Variants in GALNTL6 observed in about 807,000 individuals in gnomAD.
GALNTL6 encodes the protein polypeptide N-acetylgalactosaminyltransferase like 6.
Under a neutral mutation model 73.7 loss-of-function variants are expected in GALNTL6, and 46 were observed. The ratio of observed to expected loss-of-function variants is 0.62; its 90% CI spans 0.49 to 0.80. The LOEUF (loss-of-function observed/expected upper bound fraction) is 0.80. Ranked by LOEUF, GALNTL6 falls within the 30% of genes least tolerant of loss-of-function variation. The pLI is 0.00. For synonymous variants in GALNTL6, 259 were observed against 263.7 expected, an observed-to-expected ratio of 0.98 and a Z score of 0.17; for missense variants, 604 against 755.0, an observed-to-expected ratio of 0.80 and a Z score of 2.34.
intron 5 of GALNTL6, chr4:172,669,191 T>G (rs1731836369): frequency 6.6e-6 from 1 of 152,162 alleles, no homozygotes; most frequent in Admixed American, 6.5e-5. Context: ...ATCAAGATTT[T>G]AAAATAGTGA....
intron 3 of GALNTL6, among the ~76,000 whole-genome samples, chr4:172,300,163 G>A (rs1474038721): frequency 6.6e-6 from 1 of 152,138 alleles, no homozygotes; most frequent in Admixed American, 6.5e-5. Flanking sequence ...TTGGTTTAAA[G>A]TCTTTTTTAT....
intron 5 of GALNTL6, among the ~76,000 whole-genome samples, chr4:172,689,579 ATAT>A (rs1416918820): frequency 6.6e-6 from 1 of 152,172 alleles, no homozygotes; most frequent in African/African-American, 2.4e-5. Flanking sequence ...ATGAAGACAG[ATAT>A]TATTATTGCA....
At chr4:172,406,957 CA>C (rs1405229184) in intron 5 of GALNTL6, among the ~76,000 whole-genome samples, 1 of 151,930 alleles carries the variant, frequency 6.6e-6, no homozygotes, top group East Asian at 1.9e-4. Flanking sequence ...CTTCTCCCAA[CA>C]AATGATTACA....
chr4:172,980,784 A>G (rs985755697), intron 10 of GALNTL6, among the ~76,000 whole-genome samples: 31 of 152,186 alleles, frequency 2.0e-4, no homozygotes, highest in Non-Finnish European at 1.0e-4. Context: ...TTAGGGCTTC[A>G]ACATATAAAC....
At chr4:172,681,076 C>T (rs1732608539) in intron 5 of GALNTL6, among the ~76,000 whole-genome samples, 1 of 152,060 alleles carries the variant, frequency 6.6e-6, no homozygotes, top group Non-Finnish European at 1.5e-5. Flanking sequence ...CCCTTAGGTG[C>T]CCTTGCCTCT....
intron 2 of GALNTL6, among the ~76,000 whole-genome samples, chr4:171,989,725 C>G (rs189332941): frequency 2.9e-4 from 44 of 152,214 alleles, no homozygotes; most frequent in Non-Finnish European, 4.3e-4. Context: ...TTAATTTTTG[C>G]AGTTTTATTT....
chr4:171,872,893 C>T (rs755404328), intron 2 of GALNTL6, among the ~76,000 whole-genome samples: 6 of 152,094 alleles, frequency 3.9e-5, no homozygotes, highest in East Asian at 1.9e-4. Flanking sequence ...CAACCCATAA[C>T]GCTCTCTACA....
intron 2 of GALNTL6, among the ~76,000 whole-genome samples, chr4:171,833,537 T>A (rs1416674333): frequency 6.6e-6 from 1 of 151,732 alleles, no homozygotes; most frequent in Non-Finnish European, 1.5e-5. Context: ...CTGCATTTTT[T>A]TGAGTTTTTA....
At chr4:172,652,432 T>A (rs1334590638) in intron 5 of GALNTL6, among the ~76,000 whole-genome samples, 1 of 152,126 alleles carries the variant, frequency 6.6e-6, no homozygotes, top group Non-Finnish European at 1.5e-5. Context: ...GAAGGTAAGA[T>A]CATGTGCTGG....
chr4:172,606,630 C>G (rs201335151), intron 5 of GALNTL6, among the ~76,000 whole-genome samples: 2,782 of 37,458 alleles, frequency 0.074, 99 homozygotes, highest in East Asian at 0.23. Context: ...TATATATATA[C>G]TATATATATA....
chr4:172,827,526 G>T lies in GALNTL6; in HGVS notation c.923+13803G>T, dbSNP rs552889607. Among the ~76,000 whole-genome samples, 512 of 152,292 alleles carry T rather than the reference G, an allele frequency of 3.4e-3. 1 individual carries two copies. Among genetic ancestry groups the T allele is most frequent in the Non-Finnish European group, 6.2e-3 (424 of 68,034 alleles). On this transcript the variant is annotated intron_variant, in intron 7 of 12. Transcript: ENST00000506823. ...TCCCTCTATGTTCTGGAATCCTAAA[G>T]CTGATCTGGAGTCTTTGTCTCCCTA...
chr4:172,020,502 T>C (rs1741364652), intron 2 of GALNTL6, among the ~76,000 whole-genome samples: 1 of 150,958 alleles, frequency 6.6e-6, no homozygotes, highest in Non-Finnish European at 1.5e-5. Context: ...CTGTAGAAAT[T>C]CAAAGGATCA....
intron 5 of GALNTL6, among the ~76,000 whole-genome samples, chr4:172,572,065 A>C (rs1406987657): frequency 6.6e-6 from 1 of 152,174 alleles, no homozygotes; most frequent in Non-Finnish European, 1.5e-5. Context: ...CCCCAGACTG[A>C]AATGATGATT....
At chr4:172,826,720 G>A (rs892544213) in intron 7 of GALNTL6, among the ~76,000 whole-genome samples, 4 of 152,148 alleles carry the variant, frequency 2.6e-5, no homozygotes, top group African/African-American at 7.2e-5. Flanking sequence ...ACCAGAGCAC[G>A]GCCCTCTTTC....
intron 5 of GALNTL6, among the ~76,000 whole-genome samples, chr4:172,591,394 G>A (rs1737630388): frequency 7.0e-6 from 1 of 143,870 alleles, no homozygotes; most frequent in Admixed American, 7.3e-5. Context: ...GTTCCCATTA[G>A]TAAGTTTCTT....
At chr4:171,864,348 A>G (rs999497335) in intron 2 of GALNTL6, among the ~76,000 whole-genome samples, 1 of 150,904 alleles carries the variant, frequency 6.6e-6, no homozygotes, top group African/African-American at 2.4e-5. Context: ...ATGAAAGACA[A>G]CTCAGTCTAT....
chr4:172,064,089 C>T (rs1245646557), intron 2 of GALNTL6, among the ~76,000 whole-genome samples: 2 of 152,212 alleles, frequency 1.3e-5, no homozygotes, highest in African/African-American at 2.4e-5. Context: ...TATTCCTGAT[C>T]CAAGCCTATC....
chr4:172,731,211 GCTTTGAT>G (rs530976738), intron 5 of GALNTL6, among the ~76,000 whole-genome samples: 23 of 152,058 alleles, frequency 1.5e-4, no homozygotes, highest in Non-Finnish European at 3.2e-4. Flanking sequence ...CTTTATTACA[GCTTTGAT>G]CTAATTACTC....
At chr4:172,482,212 C>T (rs577220258) in intron 5 of GALNTL6, among the ~76,000 whole-genome samples, 36 of 152,350 alleles carry the variant, frequency 2.4e-4, no homozygotes, top group African/African-American at 7.5e-4. Context: ...CGCGCTGGCC[C>T]AGGAGCGCTT....
Sources: allele counts gnomAD v4.1 joint callset (sites outside exome capture counted in the v4.1 genomes callset), GRCh38; gene constraint gnomAD v4.1.1; transcripts MANE v1.5; gene names NCBI Gene and HGNC (gene_info 2026-07-23, HGNC 2026-07-21).